Variants in RIN2 observed in about 807,000 individuals in gnomAD.
RIN2 encodes the protein Ras and Rab interactor 2, also known as RAB5 interacting protein 2.
Under a neutral mutation model 78.0 loss-of-function variants are expected in RIN2, and 36 were observed. The ratio of observed to expected loss-of-function variants is 0.46; its 90% CI spans 0.35 to 0.61. RIN2 has a LOEUF of 0.61. RIN2 is among the 20% of genes least tolerant of loss of function. The pLI is 0.00. For missense variants in RIN2, 1,087 were observed against 1,159.7 expected, an observed-to-expected ratio of 0.94 and a Z score of 0.91; for synonymous variants, 466 against 466.8, an observed-to-expected ratio of 1.00 and a Z score of 0.02.
chr20:19,767,745 C>T (rs1172534596), intron 1 of RIN2, among the ~76,000 whole-genome samples: 2 of 151,578 alleles, frequency 1.3e-5, no homozygotes, highest in African/African-American at 2.4e-5. Flanking sequence ...GCCAACATGG[C>T]GAAACCCTGT....
Position 19,935,118 on chromosome 20 carries a change from C to G in RIN2, c.77C>G (p.Ser26Trp), listed in dbSNP as rs577973228. The G allele has an allele frequency of 4.4e-6, 7 of 1,600,132 alleles. No individual in the cohort carries two copies. The highest frequency in any genetic ancestry group is 6.0e-6 in the Non-Finnish European group (7 of 1,173,468). The change falls in exon 4 of 13, where the codon TCG (serine) becomes TGG (tryptophan). Residue 26 changes from serine to tryptophan, a missense_variant. Physicochemically the swap from Ser to Trp is radical, Grantham distance 177. Around this residue, in one of 8 missense-constraint regions of RIN2, gnomAD observed 706 missense variants for 667.5 expected, o/e 1.06. Coordinates refer to ENST00000255006, the MANE Select transcript of RIN2 (RefSeq NM_018993.4). ...SFFKLIDTIA[S>W]EIGELKQEMV... ...GAATAGCTCATTGACACAATTGCCTCGGAGATCGGAGAACTGAAACAGGAG... is the reference window on the plus strand; with the variant it reads ...GAATAGCTCATTGACACAATTGCCTGGGAGATCGGAGAACTGAAACAGGAG...
rs560541941 is a variant in RIN2, at chr20:19,854,780, G to A, written c.-36-34786G>A. 1.1e-4 allele frequency among the ~76,000 whole-genome samples: 16 copies of A among 152,266 alleles called. No individual in the cohort carries two copies. The East Asian group carries it at 3.1e-3, about 29-fold the overall frequency. On this transcript the variant is annotated intron_variant, in intron 2 of 12. Coordinates refer to ENST00000255006, the MANE Select transcript of RIN2 (RefSeq NM_018993.4). ...GCTGATCAGCTTAAGGAGATTTTGGGCTGAGACGATGGGGTTTTCTAAATA... is the reference window on the plus strand; with the variant it reads ...GCTGATCAGCTTAAGGAGATTTTGGACTGAGACGATGGGGTTTTCTAAATA...
At chr20:19,895,060 C>T (rs2038659751) in intron 3 of RIN2, among the ~76,000 whole-genome samples, 1 of 152,112 alleles carries the variant, frequency 6.6e-6, no homozygotes, top group Non-Finnish European at 1.5e-5. Context: ...TCCCTTACCC[C>T]TCCCCACCAT....
At chr20:19,833,982 G>T (rs928629875) in intron 2 of RIN2, among the ~76,000 whole-genome samples, 1 of 151,914 alleles carries the variant, frequency 6.6e-6, no homozygotes, top group African/African-American at 2.4e-5. Flanking sequence ...CCACCACATC[G>T]CCTGCACAAG....
chr20:19,953,437 C>T (rs6106164), intron 4 of RIN2, among the ~76,000 whole-genome samples: 3 of 130,564 alleles, frequency 2.3e-5, no homozygotes, highest in Admixed American at 8.7e-5. Context: ...CCTGGCTTTT[C>T]TTTTCTTTTC....
intron 1 of RIN2, among the ~76,000 whole-genome samples, chr20:19,783,723 A>G (rs2034583558): frequency 1.3e-5 from 2 of 152,178 alleles, no homozygotes; most frequent in Non-Finnish European, 2.9e-5. Context: ...TACCCCATGG[A>G]CAGCTAGAGC....
chr20:19,984,558 G>A (rs1429023962), intron 9 of RIN2, among the ~76,000 whole-genome samples: 1 of 152,214 alleles, frequency 6.6e-6, no homozygotes. Context: ...CCTGAGGTCA[G>A]GAGTTCAAGA....
chr20:19,975,330 T>C lies in RIN2; in HGVS notation c.1305T>C (p.Ser435=), dbSNP rs1294305426. Residue 435 remains serine (S), a synonymous_variant, in exon 9 of 13, where the codon TCT becomes TCC. Coordinates refer to ENST00000255006, the MANE Select transcript of RIN2 (RefSeq NM_018993.4). This position sits in a 1 kb window ranked among gnomAD's most constrained non-coding sequence, Gnocchi z 4.9. ...GRQRLSDMSI[S]TSSSDSLEFD... is the part of the protein sequence containing the mutation. ...AGCGGCTGAGCGACATGAGCATTTC[T>C]ACTTCCTCCTCCGACTCGCTGGAGT... The C allele has an allele frequency of 6.2e-7, 1 of 1,611,508 alleles. No individual in the cohort carries two copies. The highest frequency in any genetic ancestry group is 2.2e-5 in the East Asian group (1 of 44,840).
intron 2 of RIN2, among the ~76,000 whole-genome samples, chr20:19,810,094 A>T (rs1327719986): frequency 1.3e-5 from 2 of 152,132 alleles, no homozygotes; most frequent in Non-Finnish European, 2.9e-5. Context: ...CACAGCCCAC[A>T]GGAGCCCAGA....
intron 2 of RIN2, among the ~76,000 whole-genome samples, chr20:19,804,207 T>A (rs1391843071): frequency 6.6e-6 from 1 of 152,234 alleles, no homozygotes; most frequent in Non-Finnish European, 1.5e-5. Flanking sequence ...CTTGCCTGAC[T>A]GCCCTGGCCA....
intron 3 of RIN2, among the ~76,000 whole-genome samples, chr20:19,912,374 G>T (rs2039506393): frequency 6.6e-6 from 1 of 152,060 alleles, no homozygotes; most frequent in Non-Finnish European, 1.5e-5. Flanking sequence ...CTCTCCAGGG[G>T]CATCTCAGCC....
rs139840214 is a variant in RIN2 at position 19,852,727 on chromosome 20, A to G, written c.-36-36839A>G. 7.2e-3 allele frequency among the ~76,000 whole-genome samples: 1,104 copies of G among 152,308 alleles called. 16 individuals carry two copies. The highest frequency in any genetic ancestry group is 0.025 in the African/African-American group (1,031 of 41,556). ...ACATTAGTCCTTTACATACAAGGTA[A>G]TAATGAAATTATTATTCTGTGACTA... On this transcript the variant is annotated intron_variant, in intron 2 of 12. Coordinates refer to ENST00000255006, the MANE Select transcript of RIN2 (RefSeq NM_018993.4).
At position 19,910,751 on chromosome 20, in the gene RIN2, A is replaced by G. The variant is rs1194036660; in HGVS notation, c.57+21093A>G. On this transcript the variant is annotated intron_variant, in intron 3 of 12. Coordinates refer to ENST00000255006, the MANE Select transcript of RIN2 (RefSeq NM_018993.4). ...GCCCGGCTAATTTTGTATTTTTAAT[A>G]GAGACAGAGTTTCTCCATGTTGGCC... Among the ~76,000 whole-genome samples, 7 of 149,804 alleles carry G rather than the reference A, an allele frequency of 4.7e-5. No individual in the cohort carries two copies. In the East Asian group the frequency reaches 1.2e-3, roughly 26 times the overall value.
At chr20:19,770,250 C>G (rs1411984674) in intron 1 of RIN2, among the ~76,000 whole-genome samples, 1 of 152,046 alleles carries the variant, frequency 6.6e-6, no homozygotes, top group Non-Finnish European at 1.5e-5. Context: ...ATAAATTTAG[C>G]AAAATAACTG....
chr20:19,950,354 G>T (rs1225194787), intron 4 of RIN2, among the ~76,000 whole-genome samples: 1 of 152,200 alleles, frequency 6.6e-6, no homozygotes, highest in Admixed American at 6.5e-5. Flanking sequence ...TAGTGGGAAT[G>T]GCTGCACAAA....
At chr20:19,837,656 T>C (rs1169865365) in intron 2 of RIN2, among the ~76,000 whole-genome samples, 1 of 152,166 alleles carries the variant, frequency 6.6e-6, no homozygotes, top group Non-Finnish European at 1.5e-5. Flanking sequence ...TTGCTTTGCT[T>C]TTTAATTGTT....
At chr20:19,870,991 A>G (rs1468097263) in intron 2 of RIN2, among the ~76,000 whole-genome samples, 1 of 152,216 alleles carries the variant, frequency 6.6e-6, no homozygotes, top group Non-Finnish European at 1.5e-5. Flanking sequence ...AGGAGATGTT[A>G]TTATTTATCT....
chr20:19,880,147 A>G (rs1291607868), intron 2 of RIN2, among the ~76,000 whole-genome samples: 2 of 151,662 alleles, frequency 1.3e-5, no homozygotes, highest in East Asian at 3.9e-4. Flanking sequence ...TACTCAGGTA[A>G]CTGAGGCAGC....
At chr20:19,940,878 G>A (rs1387404219) in intron 4 of RIN2, among the ~76,000 whole-genome samples, 1 of 152,218 alleles carries the variant, frequency 6.6e-6, no homozygotes, top group Non-Finnish European at 1.5e-5. Context: ...AGGCGGAACA[G>A]AGGGATCCAC....
Sources: gnomAD v4.1 joint callset for allele counts (sites outside exome capture counted in the v4.1 genomes callset) on GRCh38, gnomAD v4.1.1 for gene constraint, gnomAD v4.1.1 regional missense constraint, Gnocchi (gnomAD v3.1) non-coding constraint, MANE v1.5 for transcripts, NCBI Gene and HGNC (gene_info 2026-07-23, HGNC 2026-07-21) for gene names.